The following ABI3BP variants were observed in gnomAD, a reference collection of about 807,000 sequenced individuals.
ABI3BP encodes target of Nesh-SH3.
In ABI3BP, 216 loss-of-function variants were observed where a neutral mutation model predicts 268.6. The observed-to-expected ratio is 0.80, with a 90% CI of 0.72 to 0.90. ABI3BP has a LOEUF of 0.90. ABI3BP is among the 40% of genes least tolerant of loss of function. ABI3BP has a pLI of 0.00. For synonymous variants in ABI3BP, 730 were observed against 730.0 expected (o/e 1.00, Z 0.00); for missense variants, 2,090 against 2,182.4 (o/e 0.96, Z 0.84).
intron 2 of ABI3BP, among the ~76,000 whole-genome samples, chr3:100,918,147 C>T (rs1290841720): frequency 1.3e-5 from 2 of 151,902 alleles, no homozygotes; most frequent in Non-Finnish European, 1.5e-5. Flanking sequence ...AATCTATTTC[C>T]AAAGAAATAA....
In ABI3BP at chr3:100,847,587, A is replaced by T. The variant is rs752860632; in HGVS notation, c.1648+15T>A. The T allele has an allele frequency of 6.3e-7, 1 of 1,595,556 alleles. No individual in the cohort carries two copies. The highest frequency in any genetic ancestry group is 2.2e-5 in the East Asian group (1 of 44,792). On this transcript the variant is annotated intron_variant, in intron 19 of 67. Transcript: ENST00000471714. ...AAATGAAGCAACACATCTACTAAGG[A>T]CATATCATTATTACCCGGTGTTGTC...
intron 57 of ABI3BP, among the ~76,000 whole-genome samples, chr3:100,782,981 G>A (rs1439145903): frequency 1.3e-5 from 2 of 152,058 alleles, no homozygotes; most frequent in South Asian, 2.1e-4. Flanking sequence ...CCATAAAAGA[G>A]TCCTACAAAA....
chr3:100,772,116 G>T (rs953149972), intron 61 of ABI3BP, among the ~76,000 whole-genome samples: 4 of 152,080 alleles, frequency 2.6e-5, no homozygotes, highest in African/African-American at 9.7e-5. Context: ...TTCAATTATT[G>T]AAATAAAAGA....
chr3:100,912,561 A>G (rs2057128635), intron 2 of ABI3BP, among the ~76,000 whole-genome samples: 2 of 152,110 alleles, frequency 1.3e-5, no homozygotes, highest in South Asian at 4.1e-4. Context: ...AAAAAAAACT[A>G]TATTCATGGA....
At chr3:100,911,191 G>A in intron 2 of ABI3BP, 1 of 393,772 alleles carries the variant, frequency 2.5e-6, no homozygotes, top group South Asian at 3.1e-5. Context: ...AGCTGGACTA[G>A]CTTCAGGAAT....
chr3:100,804,661 C>T, intron 51 of ABI3BP, 131 bp downstream of exon 51: 2 of 789,176 alleles, frequency 2.5e-6, no homozygotes, highest in African/African-American at 3.4e-5. Context: ...AATTATCATA[C>T]CACATATGAT....
At chr3:100,892,947 G>T (rs2045457056) in intron 4 of ABI3BP, among the ~76,000 whole-genome samples, 1 of 152,196 alleles carries the variant, frequency 6.6e-6, no homozygotes, top group Admixed American at 6.5e-5. Context: ...GCCAAGTATT[G>T]ATCCTAGGTA....
At chr3:100,939,101 C>T (rs2067649475) in intron 1 of ABI3BP, among the ~76,000 whole-genome samples, 1 of 152,056 alleles carries the variant, frequency 6.6e-6, no homozygotes, top group African/African-American at 2.4e-5. Flanking sequence ...GACCTCCAGG[C>T]TGGAATCTTT....
At position 100,837,124 on chromosome 3, in the gene ABI3BP, C is replaced by T; in HGVS notation, c.2131G>A (p.Val711Ile). 18 of 1,533,664 alleles carry T rather than the reference C, an allele frequency of 1.2e-5. No homozygotes were observed. Among genetic ancestry groups the T allele is most frequent in the Non-Finnish European group, 1.6e-5 (18 of 1,145,666 alleles). The change falls in exon 27 of 68, where the codon GTT (valine) becomes ATT (isoleucine). Residue 711 changes from valine to isoleucine, a missense_variant and splice_region_variant. Transcript: ENST00000471714. ...FETEAPSMTI[V>I]PTTDIEPVTV... ...CCAAGAAGGAAGAAAGCATCATTAC[C>T]TATGGTCATTGAGGGAGCTTCAGTT...
In ABI3BP at chr3:100,817,515, T is replaced by G. The variant is rs1483752272; in HGVS notation, c.3089-20A>C. ...TAACAACTAGACAAAAATAATAAAATAAAGCAAAAAGATTTAACTTGAATA... is the reference window on the plus strand; with the variant it reads ...TAACAACTAGACAAAAATAATAAAAGAAAGCAAAAAGATTTAACTTGAATA... On this transcript the variant is annotated intron_variant, in intron 41 of 67. Coordinates refer to ENST00000471714, the MANE Select transcript of ABI3BP (RefSeq NM_001375547.2). The G allele has an allele frequency of 7.1e-7, 1 of 1,414,264 alleles. No homozygotes were observed. Among genetic ancestry groups the G allele is most frequent in the South Asian group, 1.4e-5 (1 of 69,930 alleles). The allele number at this position is 1,414,264 out of a possible 1,614,324, so 87.6% of individuals were successfully genotyped here.
intron 31 of ABI3BP, 137 bp downstream of exon 31, chr3:100,832,127 G>A (rs2098504226): frequency 1.4e-6 from 1 of 704,620 alleles, no homozygotes; most frequent in South Asian, 2.6e-5. Context: ...AGCTATTCAT[G>A]TTCTCCTCAC....
intron 1 of ABI3BP, among the ~76,000 whole-genome samples, chr3:100,979,348 A>G (rs2087996723): frequency 6.6e-6 from 1 of 152,190 alleles, no homozygotes; most frequent in African/African-American, 2.4e-5. Context: ...AAGTTCATAA[A>G]TGAAAAAGGG....
chr3:100,831,249 G>GC (rs2098487422), intron 31 of ABI3BP, among the ~76,000 whole-genome samples: 1 of 152,038 alleles, frequency 6.6e-6, no homozygotes, highest in Non-Finnish European at 1.5e-5. Flanking sequence ...GGGTGTGTCT[G>GC]CCATGCTAGC....
At chr3:100,755,723 C>T (rs765678862) in intron 63 of ABI3BP, among the ~76,000 whole-genome samples, 1 of 152,140 alleles carries the variant, frequency 6.6e-6, no homozygotes, top group Non-Finnish European at 1.5e-5. Context: ...TTGCCATTTG[C>T]CTGAAATTAA....
At chr3:100,837,848 C>T (rs1445688319) in intron 26 of ABI3BP, among the ~76,000 whole-genome samples, 1 of 152,106 alleles carries the variant, frequency 6.6e-6, no homozygotes, top group East Asian at 1.9e-4. Flanking sequence ...TCAGTTGTGC[C>T]TATAAATGAA....
At chr3:100,915,454 C>T (rs2058297606) in intron 2 of ABI3BP, among the ~76,000 whole-genome samples, 1 of 152,152 alleles carries the variant, frequency 6.6e-6, no homozygotes, top group Non-Finnish European at 1.5e-5. Context: ...GAGGTGTGCA[C>T]ACCCAAGTCC....
chr3:100,805,261 T>G (rs2097671269), intron 50 of ABI3BP, among the ~76,000 whole-genome samples: 1 of 152,040 alleles, frequency 6.6e-6, no homozygotes, highest in Admixed American at 6.6e-5. Context: ...GTAAAGACGG[T>G]GAGGTCAGGG....
At chr3:100,847,545 CT>C in intron 19 of ABI3BP, 56 bp downstream of exon 19, 1 of 1,444,996 alleles carries the variant, frequency 6.9e-7, no homozygotes, top group South Asian at 1.2e-5. Context: ...AGCTGGGGTA[CT>C]GGATTTTCCA....
intron 1 of ABI3BP, among the ~76,000 whole-genome samples, chr3:100,973,181 A>G (rs1175962817): frequency 6.6e-6 from 1 of 152,196 alleles, no homozygotes; most frequent in Non-Finnish European, 1.5e-5. Flanking sequence ...AGCTTCATTC[A>G]GTAATGAGCT....
Sources: allele counts gnomAD v4.1 joint callset (sites outside exome capture counted in the v4.1 genomes callset), GRCh38; gene constraint gnomAD v4.1.1; transcripts MANE v1.5; gene names NCBI Gene and HGNC (gene_info 2026-07-23, HGNC 2026-07-21).